The following NCOA2 variants were observed in gnomAD, a reference collection of about 807,000 sequenced individuals.
NCOA2 encodes nuclear receptor coactivator 2.
A neutral mutation model predicts 145.1 loss-of-function variants in NCOA2; 21 were observed. That is an observed-to-expected ratio of 0.14 (90% CI 0.10 to 0.21). The LOEUF (loss-of-function observed/expected upper bound fraction) is 0.21. Among genes scored for constraint, NCOA2 ranks in the 10% least tolerant of loss-of-function variants. The probability of loss-of-function intolerance (pLI) is 1.00; values close to 1 mark genes in which losing one functional copy is unlikely to be tolerated. For synonymous variants in NCOA2, 619 were observed against 637.5 expected, an observed-to-expected ratio of 0.97 and a Z score of 0.44; for missense variants, 1,472 against 1,837.6, an observed-to-expected ratio of 0.80 and a Z score of 3.64.
chr8:70,288,415 T>C (rs1033188709), intron 2 of NCOA2, among the ~76,000 whole-genome samples: 1 of 151,826 alleles, frequency 6.6e-6, no homozygotes, highest in Non-Finnish European at 1.5e-5. Flanking sequence ...CCATCTCTAC[T>C]AAAAATACAA....
chr8:70,349,414 A>C (rs564936930), intron 1 of NCOA2, among the ~76,000 whole-genome samples: 7 of 152,188 alleles, frequency 4.6e-5, no homozygotes, highest in African/African-American at 1.7e-4. Context: ...AATTATCTCA[A>C]GTTAAATTTA....
intron 1 of NCOA2, among the ~76,000 whole-genome samples, chr8:70,363,378 A>G (rs570567313): frequency 6.8e-6 from 1 of 147,070 alleles, no homozygotes; most frequent in Non-Finnish European, 1.5e-5. Flanking sequence ...GCTAGACACC[A>G]TCTCAAAAAA....
chr8:70,448,402 A>C, the NCOA2 span, among the ~76,000 whole-genome samples: 4 of 152,298 alleles, frequency 2.6e-5, 1 homozygote, highest in South Asian at 8.3e-4. Flanking sequence ...AAACAAAACA[A>C]AAATATCAGA....
chr8:70,143,107 G>A (rs1810642068), intron 13 of NCOA2, among the ~76,000 whole-genome samples: 3 of 151,894 alleles, frequency 2.0e-5, no homozygotes, highest in Non-Finnish European at 2.9e-5. Flanking sequence ...ACGCCACCAC[G>A]CCCATTTAAT....
intron 1 of NCOA2, among the ~76,000 whole-genome samples, chr8:70,322,288 T>A (rs553209265): frequency 2.0e-5 from 3 of 152,330 alleles, no homozygotes; most frequent in Non-Finnish European, 4.4e-5. Context: ...CAAGTCATTA[T>A]GCCTCGAGAG....
At chr8:70,227,679 G>T (rs1820772266) in intron 2 of NCOA2, among the ~76,000 whole-genome samples, 1 of 152,026 alleles carries the variant, frequency 6.6e-6, no homozygotes, top group Non-Finnish European at 1.5e-5. Flanking sequence ...ATTAACAGAA[G>T]CTCCCCTGCT....
chr8:70,125,009 C>T (rs1035513917), intron 19 of NCOA2, 144 bp from the exon 20 acceptor site: 3 of 549,992 alleles, frequency 5.5e-6, no homozygotes, highest in East Asian at 3.3e-5. Context: ...TAATTACATA[C>T]ATTTAAGAAA....
intron 4 of NCOA2, among the ~76,000 whole-genome samples, chr8:70,211,194 C>G (rs1044523906): frequency 1.3e-5 from 2 of 152,174 alleles, no homozygotes; most frequent in Non-Finnish European, 1.5e-5. Context: ...GGCACAGTGG[C>G]TCATGCCTGT....
At chr8:70,174,930 A>G (rs1296312070) in intron 4 of NCOA2, 71 bp from the exon 5 acceptor site, 1 of 1,390,280 alleles carries the variant, frequency 7.2e-7, no homozygotes, top group Non-Finnish European at 1.0e-6. Flanking sequence ...AAATGTTTTT[A>G]CTGTAATGAT....
At chr8:70,405,674 A>G (rs528866583), upstream of NCOA2, among the ~76,000 whole-genome samples, 6 of 150,700 alleles carry the variant, frequency 4.0e-5, no homozygotes, top group Non-Finnish European at 7.4e-5. Context: ...ATAATAAATA[A>G]ATAAATAAAT....
intron 1 of NCOA2, among the ~76,000 whole-genome samples, chr8:70,365,664 G>A (rs1301865369): frequency 2.6e-5 from 4 of 152,122 alleles, no homozygotes; most frequent in East Asian, 1.9e-4. Flanking sequence ...AATTACAGAC[G>A]TAAATGTTTT....
intron 1 of NCOA2, among the ~76,000 whole-genome samples, chr8:70,310,816 C>T (rs571799040): frequency 2.0e-5 from 3 of 152,102 alleles, no homozygotes; most frequent in East Asian, 1.9e-4. Flanking sequence ...ACAATTTAAC[C>T]TTTCATAATA....
intron 1 of NCOA2, chr8:70,401,800 C>T (rs1814277186): frequency 6.6e-6 from 1 of 152,252 alleles, no homozygotes; most frequent in South Asian, 2.1e-4. Context: ...TTCTGTGACC[C>T]TTAGCATGTA....
chr8:70,301,717 A>AT (rs1382677308), intron 1 of NCOA2, among the ~76,000 whole-genome samples: 3 of 151,452 alleles, frequency 2.0e-5, no homozygotes, highest in African/African-American at 4.9e-5. Flanking sequence ...AACCAAGTCA[A>AT]TTTTTTCATG....
At chr8:70,243,225 T>G (rs1339429085) in intron 2 of NCOA2, among the ~76,000 whole-genome samples, 1 of 152,086 alleles carries the variant, frequency 6.6e-6, no homozygotes, top group African/African-American at 2.4e-5. Flanking sequence ...AAACAAAAAG[T>G]ATTTCTGTTC....
At chr8:70,383,193 G>A (rs1035471546) in intron 1 of NCOA2, among the ~76,000 whole-genome samples, 2 of 152,120 alleles carry the variant, frequency 1.3e-5, no homozygotes, top group South Asian at 2.1e-4. Context: ...GGATATGAAG[G>A]CCAGGGCTAG....
chr8:70,416,206 T>A, the NCOA2 span, among the ~76,000 whole-genome samples: 2 of 151,310 alleles, frequency 1.3e-5, no homozygotes, highest in South Asian at 4.2e-4. Context: ...TTTTTTTTTT[T>A]TTTCTCTTAA....
At chr8:70,170,081 T>C in intron 6 of NCOA2, 121 bp downstream of exon 6, 1 of 963,360 alleles carries the variant, frequency 1.0e-6, no homozygotes, top group Non-Finnish European at 1.5e-6. Context: ...ACCCAGTCAC[T>C]CTCCTCCCCA....
chr8:70,442,295 G>C, the NCOA2 span, among the ~76,000 whole-genome samples: 1 of 152,106 alleles, frequency 6.6e-6, no homozygotes, highest in Non-Finnish European at 1.5e-5. Flanking sequence ...AGCCATTCTA[G>C]ATGTATAGAA....
Sources: gnomAD v4.1 joint callset for allele counts (sites outside exome capture counted in the v4.1 genomes callset) on GRCh38, gnomAD v4.1.1 for gene constraint, MANE v1.5 for transcripts, NCBI Gene and HGNC (gene_info 2026-07-23, HGNC 2026-07-21) for gene names.